KIAA1217: variants seen among roughly 807,000 people sequenced by gnomAD.
KIAA1217 encodes KIAA1217.
Under a neutral mutation model 163.9 loss-of-function variants are expected in KIAA1217, and 88 were observed. The ratio of observed to expected loss-of-function variants is 0.54; its 90% CI spans 0.45 to 0.64. The LOEUF is 0.64. Ranked by LOEUF, KIAA1217 falls within the 30% of genes least tolerant of loss-of-function variation. KIAA1217 has a pLI of 0.00. For missense variants in KIAA1217, 2,372 were observed against 2,475.0 expected (o/e 0.96, Z 0.88); for synonymous variants, 903 against 923.1 (o/e 0.98, Z 0.39).
chr10:23,971,861 G>T (rs374822255), intron 1 of KIAA1217, among the ~76,000 whole-genome samples: 1 of 152,040 alleles, frequency 6.6e-6, no homozygotes, highest in Non-Finnish European at 1.5e-5. Context: ...CTACCTGGAG[G>T]CTTCATCTGC....
chr10:24,543,857 G>C lies in KIAA1217; in HGVS notation c.4587G>C (p.Glu1529Asp), dbSNP rs1425577238. The C allele has an allele frequency of 1.2e-6, 2 of 1,613,962 alleles. No homozygotes were observed. The highest frequency in any genetic ancestry group is 1.7e-6 in the Non-Finnish European group (2 of 1,180,056). ...TKSQPHSLAT[E>D]TRNPGGQEMN... ...CACAGCCACACTCCCTGGCCACAGA[G>C]ACCAGAAACCCAGGAGGACAGGAAA... The change falls in exon 19 of 21, where the codon GAG becomes GAC. Residue 1529 changes from glutamate (E) to aspartate (D), a missense_variant. By Grantham distance (45) the Glu-to-Asp change is conservative. Around this residue, in one of 3 missense-constraint regions of KIAA1217, gnomAD observed 690 missense variants for 677.5 expected, o/e 1.02. Transcript: ENST00000376454.
chr10:23,988,815 T>C lies in KIAA1217; in HGVS notation c.-320-18410T>C, dbSNP rs549391469. Among the ~76,000 whole-genome samples the C allele has an allele frequency of 2.1e-5, 3 of 144,016 alleles. No homozygotes were observed. In the East Asian group the frequency reaches 7.6e-4, roughly 37 times the overall value. 94.5% of individuals were successfully genotyped at this position (144,016 alleles called of 152,430 possible). A position where few individuals can be genotyped will look rare whatever the true frequency, so the allele number is the denominator to read the frequency against. ...CATAAAATAAAATCAGAAAATGATA[T>C]TGGGAAAATGACATTGACTTTTAAG... On this transcript the variant is annotated intron_variant, in intron 1 of 18. Transcript: ENST00000376462.
At chr10:24,522,755 G>C (rs1158249832) in intron 12 of KIAA1217, among the ~76,000 whole-genome samples, 4 of 152,224 alleles carry the variant, frequency 2.6e-5, no homozygotes, top group African/African-American at 9.6e-5. Flanking sequence ...CCCGCACTTT[G>C]GGAGCTGAGG....
chr10:23,937,894 A>G (rs1454555624), intron 1 of KIAA1217, among the ~76,000 whole-genome samples: 1 of 152,188 alleles, frequency 6.6e-6, no homozygotes, highest in Non-Finnish European at 1.5e-5. Context: ...TATTTCCAGG[A>G]ATCGGTTTCC....
intron 1 of KIAA1217, among the ~76,000 whole-genome samples, chr10:24,217,031 CAAAAAAAAAAA>C (rs60303909): frequency 1.4e-4 from 3 of 21,322 alleles, no homozygotes; most frequent in South Asian, 3.3e-3. Context: ...GACCTTGTCT[CAAAAAAAAAAA>C]AAAAAAAAAA....
intron 17 of KIAA1217, among the ~76,000 whole-genome samples, chr10:24,537,440 G>C (rs529066055): frequency 6.6e-6 from 1 of 152,160 alleles, no homozygotes; most frequent in African/African-American, 2.4e-5. Context: ...AGCTGGGTGT[G>C]GAGGTGGACA....
intron 2 of KIAA1217, among the ~76,000 whole-genome samples, chr10:24,246,229 C>G (rs1274326590): frequency 6.6e-6 from 1 of 152,160 alleles, no homozygotes; most frequent in African/African-American, 2.4e-5. Flanking sequence ...AAGACAGACT[C>G]TCATTTAAAA....
chr10:23,920,774 T>G (rs1375980656), intron 1 of KIAA1217, among the ~76,000 whole-genome samples: 1 of 152,182 alleles, frequency 6.6e-6, no homozygotes, highest in Non-Finnish European at 1.5e-5. Context: ...TGATATGGCC[T>G]GGCTGTGTCC....
At position 24,219,713 on chromosome 10, in the gene KIAA1217, G is replaced by T. The variant is rs768277495; in HGVS notation, c.158G>T (p.Arg53Leu). 1.9e-6 allele frequency: 3 copies of T among 1,613,930 alleles called. No individual in the cohort carries two copies. The South Asian group carries it at 3.3e-5, about 18-fold the overall frequency. The change falls in exon 2 of 21, where the codon CGT becomes CTT. Residue 53 changes from arginine (R) to leucine (L), a missense_variant. By Grantham distance (102) the Arg-to-Leu change is moderately radical (BLOSUM62 -2). Transcript: ENST00000376454. The part of the protein sequence containing the change: ...TKERLSNGNS[R>L]GSVSKSSRNI... ...GAACGCCTTTCTAATGGAAACAGTC[G>T]TGGTTCAGTTTCCAAGTCTTCCCGC...
intron 1 of KIAA1217, among the ~76,000 whole-genome samples, chr10:23,825,584 A>G (rs1837860616): frequency 6.6e-6 from 1 of 152,226 alleles, no homozygotes; most frequent in East Asian, 1.9e-4. Context: ...TAATTACACT[A>G]AGCAGAACTG....
chr10:24,236,769 A>G (rs1057147198), intron 2 of KIAA1217, among the ~76,000 whole-genome samples: 4 of 151,710 alleles, frequency 2.6e-5, no homozygotes, highest in African/African-American at 9.7e-5. Flanking sequence ...CTCTCACCTC[A>G]ACCTCCCAAG....
At chr10:24,404,809 A>T (rs906636964) in intron 3 of KIAA1217, among the ~76,000 whole-genome samples, 8 of 152,188 alleles carry the variant, frequency 5.3e-5, no homozygotes, top group African/African-American at 1.9e-4. Context: ...CTCTGCAACA[A>T]GGGACAAACT....
At chr10:23,975,812 A>G (rs533161820) in intron 1 of KIAA1217, among the ~76,000 whole-genome samples, 1 of 152,316 alleles carries the variant, frequency 6.6e-6, no homozygotes, top group African/African-American at 2.4e-5. Flanking sequence ...TGAAAATGTT[A>G]CAATGGACCC....
chr10:24,097,780 G>A (rs539885616), intron 2 of KIAA1217, among the ~76,000 whole-genome samples: 1 of 152,288 alleles, frequency 6.6e-6, no homozygotes, highest in South Asian at 2.1e-4. Flanking sequence ...AGGACCATCT[G>A]CAAGGAAAGC....
intron 3 of KIAA1217, among the ~76,000 whole-genome samples, chr10:24,413,371 C>T (rs572574990): frequency 1.6e-4 from 24 of 152,194 alleles, no homozygotes; most frequent in Admixed American, 1.0e-3. Flanking sequence ...AGGGTTTCAC[C>T]ATATTGGTCA....
At chr10:24,168,992 A>G (rs1427239902) in intron 2 of KIAA1217, among the ~76,000 whole-genome samples, 2 of 152,256 alleles carry the variant, frequency 1.3e-5, no homozygotes, top group East Asian at 1.9e-4. Flanking sequence ...ATTCAAGTGC[A>G]TAATTCACAA....
intron 1 of KIAA1217, among the ~76,000 whole-genome samples, chr10:23,773,395 G>A (rs575328937): frequency 9.2e-5 from 14 of 151,692 alleles, no homozygotes; most frequent in Non-Finnish European, 1.3e-4. Flanking sequence ...GTCAGGTAGC[G>A]TGATGCCTCC....
At chr10:24,096,124 T>C (rs963773428) in intron 2 of KIAA1217, among the ~76,000 whole-genome samples, 6 of 151,936 alleles carry the variant, frequency 3.9e-5, no homozygotes, top group African/African-American at 1.5e-4. Context: ...AAAATGAAAC[T>C]AAACTATTCT....
intron 6 of KIAA1217, among the ~76,000 whole-genome samples, chr10:24,480,084 T>C (rs1425858998): frequency 6.6e-6 from 1 of 152,160 alleles, no homozygotes; most frequent in Non-Finnish European, 1.5e-5. Context: ...CTCTACCCAC[T>C]GGAAGCCAGT....
Sources: allele counts gnomAD v4.1 joint callset (sites outside exome capture counted in the v4.1 genomes callset), GRCh38; gene constraint gnomAD v4.1.1; regional missense constraint gnomAD v4.1.1; transcripts MANE v1.5; gene names NCBI Gene and HGNC (gene_info 2026-07-23, HGNC 2026-07-21).